Variants in CSTPP1 observed in about 807,000 individuals in gnomAD.
The protein encoded by CSTPP1 is centriolar satellite-associated tubulin polyglutamylase complex regulator 1.
the CSTPP1 span, among the ~76,000 whole-genome samples, chr11:47,053,254 T>C: frequency 1.3e-5 from 2 of 152,090 alleles, no homozygotes; most frequent in Non-Finnish European, 2.9e-5. Context: ...GTGTGGAGTT[T>C]ATGAAGGAGG....
At chr11:47,015,205 G>A in the CSTPP1 span, among the ~76,000 whole-genome samples, 2 of 152,104 alleles carry the variant, frequency 1.3e-5, no homozygotes, top group African/African-American at 2.4e-5. Flanking sequence ...GGCTGGGCAC[G>A]GTGGCTCACG....
At chr11:47,122,585 A>C in the CSTPP1 span, among the ~76,000 whole-genome samples, 24 of 151,898 alleles carry the variant, frequency 1.6e-4, no homozygotes, top group South Asian at 4.2e-3. Flanking sequence ...ATTCTTTTTT[A>C]TTTTTTATTT....
chr11:46,953,343 A>G, the CSTPP1 span, among the ~76,000 whole-genome samples: 1 of 152,128 alleles, frequency 6.6e-6, no homozygotes, highest in Non-Finnish European at 1.5e-5. Flanking sequence ...TAGTTTTTAG[A>G]TGGGAGAAAC....
At chr11:47,080,048 G>A in the CSTPP1 span, among the ~76,000 whole-genome samples, 2 of 151,824 alleles carry the variant, frequency 1.3e-5, no homozygotes, top group Non-Finnish European at 2.9e-5. Context: ...GTGAGCCAAG[G>A]TCATGCCATT....
the CSTPP1 span, among the ~76,000 whole-genome samples, chr11:47,008,497 C>CT: frequency 2.1e-4 from 32 of 150,960 alleles, no homozygotes; most frequent in East Asian, 3.9e-4. Flanking sequence ...TCTGAGGTTT[C>CT]TTTTTTTTTA....
At chr11:47,011,693 A>G in the CSTPP1 span, among the ~76,000 whole-genome samples, 1 of 152,108 alleles carries the variant, frequency 6.6e-6, no homozygotes, top group Non-Finnish European at 1.5e-5. Flanking sequence ...ATCTAACTTC[A>G]TTGTGTAATC....
At chr11:47,090,836 G>A in the CSTPP1 span, among the ~76,000 whole-genome samples, 7 of 151,884 alleles carry the variant, frequency 4.6e-5, no homozygotes, top group South Asian at 1.0e-3. Flanking sequence ...TCAGGAGATC[G>A]AGACCATCCT....
chr11:47,045,272 A>T, the CSTPP1 span, among the ~76,000 whole-genome samples: 2 of 152,334 alleles, frequency 1.3e-5, no homozygotes, highest in South Asian at 4.1e-4. Flanking sequence ...TACCACTCAC[A>T]GGCTTTTGCT....
chr11:47,123,937 A>ACT, the CSTPP1 span, among the ~76,000 whole-genome samples: 1 of 129,560 alleles, frequency 7.7e-6, no homozygotes, highest in Non-Finnish European at 1.7e-5. Context: ...GGGTGACAAG[A>ACT]GTGACTCTGT....
chr11:47,098,293 G>T, the CSTPP1 span, among the ~76,000 whole-genome samples: 1 of 136,810 alleles, frequency 7.3e-6, no homozygotes, highest in African/African-American at 2.7e-5. Flanking sequence ...AAACACCCAA[G>T]AATTATCAAT....
chr11:47,029,428 G>A, the CSTPP1 span, among the ~76,000 whole-genome samples: 48 of 152,052 alleles, frequency 3.2e-4, 1 homozygote, highest in Admixed American at 1.2e-3. Context: ...CCAACATGGT[G>A]AAACCCCGTC....
At chr11:47,052,468 C>T in the CSTPP1 span, 6 of 1,614,096 alleles carry the variant, frequency 3.7e-6, no homozygotes, top group Middle Eastern at 1.6e-4. Flanking sequence ...AATAGGGTAT[C>T]ATTTTTACGG....
chr11:47,097,918 A>G, the CSTPP1 span, among the ~76,000 whole-genome samples: 182 of 38,316 alleles, frequency 4.7e-3, no homozygotes, highest in Middle Eastern at 7.7e-3. Context: ...GTGTCTGTGT[A>G]GAAAGAAGTA....
the CSTPP1 span, among the ~76,000 whole-genome samples, chr11:47,156,774 A>C: frequency 6.6e-6 from 1 of 152,214 alleles, no homozygotes; most frequent in Admixed American, 6.5e-5. Context: ...GTGCAATGGC[A>C]GGTCTCACCT....
chr11:47,016,074 G>T, the CSTPP1 span, among the ~76,000 whole-genome samples: 1 of 152,082 alleles, frequency 6.6e-6, no homozygotes, highest in African/African-American at 2.4e-5. Flanking sequence ...CTGAGATCAT[G>T]CCACTGTACT....
the CSTPP1 span, among the ~76,000 whole-genome samples, chr11:47,060,464 C>T: frequency 6.6e-6 from 1 of 151,752 alleles, no homozygotes; most frequent in South Asian, 2.1e-4. Flanking sequence ...TCTCAAACTC[C>T]TGGGCTCAAG....
chr11:46,974,108 T>C, the CSTPP1 span, among the ~76,000 whole-genome samples: 1 of 152,180 alleles, frequency 6.6e-6, no homozygotes, highest in East Asian at 1.9e-4. Flanking sequence ...GGTGCACACC[T>C]GTAGTCCCAG....
the CSTPP1 span, among the ~76,000 whole-genome samples, chr11:47,086,234 C>CAAAAAAA: frequency 8.4e-4 from 75 of 89,406 alleles, 14 homozygotes; most frequent in Admixed American, 1.4e-3. Flanking sequence ...ACTAAAAATC[C>CAAAAAAA]AAAAAAAAAA....
the CSTPP1 span, among the ~76,000 whole-genome samples, chr11:46,983,835 C>T: frequency 6.6e-6 from 1 of 152,182 alleles, no homozygotes; most frequent in Non-Finnish European, 1.5e-5. Context: ...GGGAGAGCTT[C>T]GCACTTGGCT....
Sources: gnomAD v4.1 joint callset for allele counts (sites outside exome capture counted in the v4.1 genomes callset) on GRCh38, gnomAD v4.1.1 for gene constraint, MANE v1.5 for transcripts, NCBI Gene and HGNC (gene_info 2026-07-23, HGNC 2026-07-21) for gene names.